The following GABRG3 variants were observed in gnomAD, a reference collection of about 807,000 sequenced individuals.
The protein encoded by GABRG3 is gamma-aminobutyric acid type A receptor subunit gamma3, also known as gamma-aminobutyric acid receptor subunit gamma-3.
GABRG3 carries 25 observed loss-of-function variants against 48.8 expected under a neutral mutation model. The ratio of observed to expected loss-of-function variants is 0.51; its 90% CI spans 0.37 to 0.72. The LOEUF is 0.72. Ranked by LOEUF, GABRG3 falls within the 30% of genes least tolerant of loss-of-function variation. The pLI is 0.00. For synonymous variants in GABRG3, 227 were observed against 217.6 expected, an observed-to-expected ratio of 1.04 and a Z score of -0.38; for missense variants, 394 against 577.9, an observed-to-expected ratio of 0.68 and a Z score of 3.26.
chr15:27,036,762 T>C (rs1896186160), intron 3 of GABRG3, among the ~76,000 whole-genome samples: 1 of 152,148 alleles, frequency 6.6e-6, no homozygotes, highest in Non-Finnish European at 1.5e-5. Context: ...TTCCTTGACC[T>C]CAGTTCCTTG....
At chr15:27,270,116 TAGC>T (rs747456755) in intron 3 of GABRG3, among the ~76,000 whole-genome samples, 1 of 152,230 alleles carries the variant, frequency 6.6e-6, no homozygotes. Flanking sequence ...GAATCCAAAA[TAGC>T]AGGGTGTAGA....
At chr15:27,170,022 A>T (rs1192373103) in intron 3 of GABRG3, among the ~76,000 whole-genome samples, 4 of 152,224 alleles carry the variant, frequency 2.6e-5, no homozygotes, top group African/African-American at 9.7e-5. Context: ...TTTTATGATT[A>T]ACAAGTGAGA....
chr15:27,247,732 G>A (rs928195415), intron 3 of GABRG3, among the ~76,000 whole-genome samples: 1 of 152,130 alleles, frequency 6.6e-6, no homozygotes, highest in Non-Finnish European at 1.5e-5. Context: ...TCATGGCAGA[G>A]GGTGAAAGGC....
intron 3 of GABRG3, among the ~76,000 whole-genome samples, chr15:27,073,086 G>A (rs895214099): frequency 1.3e-5 from 2 of 152,216 alleles, no homozygotes; most frequent in African/African-American, 4.8e-5. Flanking sequence ...TGAGTGTGGG[G>A]TGACTTGATG....
intron 3 of GABRG3, among the ~76,000 whole-genome samples, chr15:27,216,019 A>T (rs1889234614): frequency 6.6e-6 from 1 of 152,188 alleles, no homozygotes; most frequent in Admixed American, 6.5e-5. Context: ...AATGGAAGGA[A>T]TTGGCTGGGA....
rs190080553 is a variant in GABRG3, at chr15:27,020,892, T to G, written c.203-5862T>G. On this transcript the variant is annotated intron_variant, in intron 2 of 9. Coordinates refer to ENST00000615808, the MANE Select transcript of GABRG3 (RefSeq NM_033223.5). ...GATCTTTTATCAGCTCTTTTCCCGC[T>G]TGACTACTTGGGTCAGCTTGTAATC... Among the ~76,000 whole-genome samples the G allele has an allele frequency of 5.1e-3, 780 of 152,356 alleles. 7 individuals carry two copies. The highest frequency in any genetic ancestry group is 7.4e-3 in the Non-Finnish European group (505 of 68,032).
chr15:27,003,016 A>G (rs1367541236), intron 2 of GABRG3, among the ~76,000 whole-genome samples: 1 of 151,664 alleles, frequency 6.6e-6, no homozygotes, highest in Non-Finnish European at 1.5e-5. Flanking sequence ...AACAAAAACC[A>G]TATGCCCCTA....
intron 3 of GABRG3, among the ~76,000 whole-genome samples, chr15:27,167,135 C>A (rs1887401625): frequency 6.6e-6 from 1 of 152,212 alleles, no homozygotes. Context: ...AGCTTAGTCT[C>A]TGTGCTTTGT....
At chr15:27,255,310 A>G (rs945302329) in intron 3 of GABRG3, among the ~76,000 whole-genome samples, 1 of 152,198 alleles carries the variant, frequency 6.6e-6, no homozygotes, top group African/African-American at 2.4e-5. Flanking sequence ...CCAAGCTCCA[A>G]ACACCAAGGG....
intron 5 of GABRG3, among the ~76,000 whole-genome samples, chr15:27,426,579 CAAG>C (rs1421063894): frequency 6.6e-6 from 1 of 152,070 alleles, no homozygotes. Flanking sequence ...CTTCGGGAGT[CAAG>C]AAGGTAGATG....
chr15:26,982,139 T>G (rs1038362948), intron 2 of GABRG3, among the ~76,000 whole-genome samples: 1 of 152,232 alleles, frequency 6.6e-6, no homozygotes. Flanking sequence ...TGCATCCTAA[T>G]TAGATAGAAA....
intron 3 of GABRG3, among the ~76,000 whole-genome samples, chr15:27,222,844 C>T (rs192070822): frequency 1.4e-4 from 21 of 152,354 alleles, no homozygotes; most frequent in Admixed American, 5.2e-4. Context: ...TGGTTCCCCA[C>T]GGCCCTGGAA....
rs1896573962 is a variant in GABRG3, at chr15:27,057,665, C to T, written c.270+30844C>T. 3.3e-5 allele frequency among the ~76,000 whole-genome samples: 5 copies of T among 152,106 alleles called. No homozygotes were observed. In the South Asian group the frequency reaches 1.0e-3, roughly 32 times the overall value. On this transcript the variant is annotated intron_variant, in intron 3 of 9. Transcript: ENST00000615808. The stretch of plus-strand genomic sequence containing the variant: ...CCTCGGGGCTCCCATTGCTCATGTC[C>T]TTCAGGTGTTTCCTAAGTAAAAACT...
chr15:27,312,901 CTT>C (rs1893044077), intron 3 of GABRG3, among the ~76,000 whole-genome samples: 1 of 151,390 alleles, frequency 6.6e-6, no homozygotes, highest in South Asian at 2.1e-4. Flanking sequence ...AGGTAAATCA[CTT>C]TTAATTCTAG....
At chr15:26,971,681 C>T in intron 1 of GABRG3, 93 bp downstream of exon 1, 4 of 1,370,656 alleles carry the variant, frequency 2.9e-6, no homozygotes, top group African/African-American at 1.5e-5. Context: ...GCGCGCCAGC[C>T]GTCGGCTGGG....
intron 3 of GABRG3, among the ~76,000 whole-genome samples, chr15:27,248,759 A>T (rs1890341275): frequency 6.8e-6 from 1 of 147,660 alleles, no homozygotes; most frequent in Non-Finnish European, 1.5e-5. Context: ...GTTTTAGGTG[A>T]GAAGGAAAAC....
At chr15:27,178,109 G>C (rs1887804397) in intron 3 of GABRG3, among the ~76,000 whole-genome samples, 1 of 152,154 alleles carries the variant, frequency 6.6e-6, no homozygotes, top group African/African-American at 2.4e-5. Context: ...ACAGGGATGT[G>C]CACAGGTGGG....
chr15:27,089,648 G>A lies in GABRG3; in HGVS notation c.270+62827G>A, dbSNP rs116792142. Among the ~76,000 whole-genome samples the A allele has an allele frequency of 6.0e-3, 918 of 152,256 alleles. 7 individuals are homozygous for A. The highest frequency in any genetic ancestry group is 0.021 in the African/African-American group (859 of 41,548). ...AGAGGCTCTTGGATTGGAGACCCCC[G>A]AGCACAGGGCACAGTGGCAGATCAT... On this transcript the variant is annotated intron_variant, in intron 3 of 9. Transcript: ENST00000615808.
intron 3 of GABRG3, among the ~76,000 whole-genome samples, chr15:27,035,007 C>T (rs1374640838): frequency 6.6e-6 from 1 of 152,152 alleles, no homozygotes; most frequent in Admixed American, 6.5e-5. Flanking sequence ...TGGCTGTCAG[C>T]ACCTGAACTC....
Sources: gnomAD v4.1 joint callset for allele counts (sites outside exome capture counted in the v4.1 genomes callset) on GRCh38, gnomAD v4.1.1 for gene constraint, MANE v1.5 for transcripts, NCBI Gene and HGNC (gene_info 2026-07-23, HGNC 2026-07-21) for gene names.